The following CIDEA variants were observed in gnomAD, a reference collection of about 807,000 sequenced individuals.
CIDEA encodes cell death inducing DFFA like effector a, also known as lipid transferase CIDEA.
In CIDEA, 10 loss-of-function variants were observed where a neutral mutation model predicts 18.2. The ratio of observed to expected loss-of-function variants is 0.55; its 90% CI spans 0.34 to 0.93. The LOEUF (loss-of-function observed/expected upper bound fraction) is 0.93. Among genes scored for constraint, CIDEA ranks in the 40% least tolerant of loss-of-function variants. The pLI is 0.02. For missense variants in CIDEA, 309 were observed against 293.1 expected (o/e 1.05, Z -0.40); for synonymous variants, 128 against 124.8 (o/e 1.03, Z -0.17).
Position 12,277,413 on chromosome 18 carries a change from GA to G in CIDEA, c.*146del. 1 of 955,158 alleles carries G rather than the reference GA, an allele frequency of 1.0e-6. No homozygotes were observed. The highest frequency in any genetic ancestry group is 1.5e-6 in the Non-Finnish European group (1 of 647,418). The allele number at this position is 955,158 out of a possible 1,614,324, so 59.2% of individuals were successfully genotyped here. On this transcript the variant is annotated 3_prime_UTR_variant, in exon 5 of 5. Coordinates refer to ENST00000320477, the MANE Select transcript of CIDEA (RefSeq NM_001279.4). ...TGCTCAGGAGTGGTGCCCAGAAAAGGAAAGGGCTTGGTGGTACATGAAGTGG... is the reference window on the plus strand; with the variant it reads ...TGCTCAGGAGTGGTGCCCAGAAAAGGAAGGGCTTGGTGGTACATGAAGTGG...
chr18:12,272,969 T>A (rs1912593061), intron 3 of CIDEA, among the ~76,000 whole-genome samples: 1 of 152,202 alleles, frequency 6.6e-6, no homozygotes, highest in Non-Finnish European at 1.5e-5. Flanking sequence ...TGCCTGATAT[T>A]TGTACCTTGG....
At chr18:12,258,626 T>C (rs560526157) in intron 1 of CIDEA, among the ~76,000 whole-genome samples, 1 of 152,252 alleles carries the variant, frequency 6.6e-6, no homozygotes, top group East Asian at 1.9e-4. Flanking sequence ...TTCTCTCTTG[T>C]GGGAGCCGCG....
At chr18:12,264,698 C>T (rs554496076) in intron 3 of CIDEA, among the ~76,000 whole-genome samples, 7 of 152,260 alleles carry the variant, frequency 4.6e-5, no homozygotes, top group East Asian at 1.9e-4. Context: ...GGACTACAGG[C>T]ACCCGCCACC....
At chr18:12,277,058 A>G in intron 4 of CIDEA, 65 bp from the exon 5 acceptor site, 1 of 1,583,410 alleles carries the variant, frequency 6.3e-7, no homozygotes, top group South Asian at 1.1e-5. Context: ...AAGTATTCCC[A>G]TCCTGTCTGT....
chr18:12,260,424 G>A (rs773942422), intron 1 of CIDEA, among the ~76,000 whole-genome samples: 1 of 151,940 alleles, frequency 6.6e-6, no homozygotes. Flanking sequence ...GGGCTCAAGT[G>A]ACCCTCCTGC....
chr18:12,261,460 A>C (rs4797656), intron 1 of CIDEA, among the ~76,000 whole-genome samples: 150,658 of 152,350 alleles, frequency 0.99, 74,515 homozygotes, highest in East Asian at 1. Context: ...CAGCAGGGTA[A>C]CTGTGTCTCC....
At chr18:12,272,761 T>C (rs1912588172) in intron 3 of CIDEA, among the ~76,000 whole-genome samples, 1 of 151,274 alleles carries the variant, frequency 6.6e-6, no homozygotes, top group Admixed American at 6.6e-5. Context: ...TTTTCCTTCT[T>C]TTTTTTTTGA....
Position 12,264,436 on chromosome 18 carries a change from G to C in CIDEA, c.313G>C (p.Gly105Arg). ...CACGCATTTCATGATCTTGGAAAAA[G>C]GACAGAAGTGGATGCCGGTAAGCAA... ...DNTHFMILEK[G>R]QKWMPGSQHV... Residue 105 changes from glycine (G) to arginine (R), a missense_variant, in exon 3 of 5, where the codon GGA becomes CGA. Transcript: ENST00000320477. The C allele has an allele frequency of 6.2e-7, 1 of 1,613,704 alleles. No homozygotes were observed. Among genetic ancestry groups the C allele is most frequent in the South Asian group, 1.1e-5 (1 of 90,982 alleles).
intron 3 of CIDEA, among the ~76,000 whole-genome samples, chr18:12,268,449 T>C (rs113073807): frequency 0.023 from 3,465 of 150,230 alleles, 139 homozygotes; most frequent in African/African-American, 0.081. Context: ...CACTCTGGAG[T>C]GCAGTGGCAC....
At chr18:12,263,000 C>T in intron 2 of CIDEA, 31 bp downstream of exon 2, 1 of 1,609,746 alleles carries the variant, frequency 6.2e-7, no homozygotes, top group Non-Finnish European at 8.5e-7. Flanking sequence ...CTCCCCCAGT[C>T]CACAGGGGTG....
chr18:12,259,422 C>T (rs1390944345), intron 1 of CIDEA, among the ~76,000 whole-genome samples: 1 of 152,228 alleles, frequency 6.6e-6, no homozygotes, highest in Admixed American at 6.5e-5. Flanking sequence ...AAAGTCTTGG[C>T]TTTGGACAGA....
At chr18:12,263,061 C>T in intron 2 of CIDEA, 92 bp downstream of exon 2, 1 of 1,339,986 alleles carries the variant, frequency 7.5e-7, no homozygotes, top group Non-Finnish European at 1.0e-6. Context: ...AGGGCCAGCA[C>T]AGAAAGATCA....
rs551110429 is a variant in CIDEA, at chr18:12,274,874, A to T, written c.512+600A>T. 4.6e-5 allele frequency among the ~76,000 whole-genome samples: 7 copies of T among 152,306 alleles called. No individual in the cohort carries two copies. The South Asian group carries it at 1.5e-3, about 32-fold the overall frequency. On this transcript the variant is annotated intron_variant, in intron 4 of 4. Coordinates refer to ENST00000320477, the MANE Select transcript of CIDEA (RefSeq NM_001279.4). ...AAACAAATTCCATGTGATCAAAAGG[A>T]GCCTTCCTGGGTGTTCCTGCCCCAT...
At chr18:12,273,340 T>C (rs1352031461) in intron 3 of CIDEA, among the ~76,000 whole-genome samples, 1 of 152,128 alleles carries the variant, frequency 6.6e-6, no homozygotes, top group Non-Finnish European at 1.5e-5. Context: ...AAGATCTGTA[T>C]GTGGCACAAG....
intron 3 of CIDEA, among the ~76,000 whole-genome samples, chr18:12,272,270 T>C (rs1331610046): frequency 6.6e-6 from 1 of 151,778 alleles, no homozygotes; most frequent in Non-Finnish European, 1.5e-5. Flanking sequence ...TGGAGTGCAG[T>C]GGCGCGATCT....
chr18:12,273,983 C>A, intron 3 of CIDEA, 110 bp from the exon 4 acceptor site: 3 of 1,208,580 alleles, frequency 2.5e-6, no homozygotes, highest in Non-Finnish European at 3.5e-6. Flanking sequence ...GAGCCGCTCA[C>A]AGACCTTAAA....
intron 4 of CIDEA, among the ~76,000 whole-genome samples, 170 bp from the exon 5 acceptor site, chr18:12,276,953 G>A (rs1198852808): frequency 1.3e-5 from 2 of 152,216 alleles, no homozygotes; most frequent in Non-Finnish European, 2.9e-5. Context: ...AGCTGCATCT[G>A]TGCCAGCCCT....
At chr18:12,254,649 C>T (rs1216892816) in intron 1 of CIDEA, 1 of 1,528,638 alleles carries the variant, frequency 6.5e-7, no homozygotes, top group Non-Finnish European at 8.8e-7. Context: ...CGCGCCTCCT[C>T]ACCCTCTTGC....
intron 3 of CIDEA, among the ~76,000 whole-genome samples, chr18:12,266,069 AT>A (rs968122680): frequency 1.2e-4 from 19 of 152,168 alleles, no homozygotes; most frequent in Middle Eastern, 6.3e-3. Flanking sequence ...ACCAAAAAAA[AT>A]TTTTTTAAGG....
Sources: allele counts gnomAD v4.1 joint callset (sites outside exome capture counted in the v4.1 genomes callset), GRCh38; gene constraint gnomAD v4.1.1; transcripts MANE v1.5; gene names NCBI Gene and HGNC (gene_info 2026-07-23, HGNC 2026-07-21).